ANKRD6: variants seen among roughly 807,000 people sequenced by gnomAD.
The protein encoded by ANKRD6 is ankyrin repeat domain-containing protein 6.
A neutral mutation model predicts 82.3 loss-of-function variants in ANKRD6; 56 were observed. The ratio of observed to expected loss-of-function variants is 0.68; its 90% CI spans 0.55 to 0.85. The LOEUF (loss-of-function observed/expected upper bound fraction) is 0.85. Ranked by LOEUF, ANKRD6 falls within the 40% of genes least tolerant of loss-of-function variation. The probability of loss-of-function intolerance (pLI) is 0.00; values close to 1 mark genes in which losing one functional copy is unlikely to be tolerated. For synonymous variants in ANKRD6, 347 were observed against 352.1 expected, an observed-to-expected ratio of 0.99 and a Z score of 0.16; for missense variants, 852 against 907.6, an observed-to-expected ratio of 0.94 and a Z score of 0.79.
intron 1 of ANKRD6, among the ~76,000 whole-genome samples, chr6:89,490,216 T>G (rs1056089941): frequency 2.0e-5 from 3 of 152,236 alleles, no homozygotes; most frequent in Non-Finnish European, 4.4e-5. Context: ...GAAAAGACCT[T>G]AGCAATCACC....
chr6:89,449,862 T>G (rs139262685), intron 1 of ANKRD6, among the ~76,000 whole-genome samples: 2 of 152,324 alleles, frequency 1.3e-5, no homozygotes, highest in East Asian at 3.9e-4. Context: ...GTTGAAAGAA[T>G]CTATCTCGGG....
In ANKRD6 at chr6:89,621,729, G is replaced by A. The variant is rs527328081; in HGVS notation, c.793-193G>A. On this transcript the variant is annotated intron_variant, in intron 9 of 15. Transcript: ENST00000339746. The stretch of plus-strand genomic sequence containing the variant: ...CAGGGATAATATCCTACCTGTCTCC[G>A]AGTCCCCGTGGTGCCCAGGACAAGA... 2.3e-5 allele frequency: 14 copies of A among 603,692 alleles called. No individual in the cohort carries two copies. In the East Asian group the frequency reaches 3.1e-4, roughly 13 times the overall value. 37.4% of individuals were successfully genotyped at this position (603,692 alleles called of 1,614,324 possible).
At chr6:89,496,557 C>T (rs529243966) in intron 1 of ANKRD6, among the ~76,000 whole-genome samples, 13 of 152,248 alleles carry the variant, frequency 8.5e-5, no homozygotes, top group South Asian at 6.2e-4. Flanking sequence ...GAGTCTCTCT[C>T]TCTTCTCCAG....
chr6:89,605,738 C>A (rs1331085693), intron 4 of ANKRD6, among the ~76,000 whole-genome samples: 2 of 152,150 alleles, frequency 1.3e-5, no homozygotes, highest in East Asian at 3.9e-4. Flanking sequence ...AGAGACTTAA[C>A]CTCTAATGCC....
At position 89,630,519 on chromosome 6, in the gene ANKRD6, A is replaced by G; in HGVS notation, c.1699A>G (p.Asn567Asp). The G allele has an allele frequency of 6.2e-7, 1 of 1,614,052 alleles. No homozygotes were observed. The highest frequency in any genetic ancestry group is 1.1e-5 in the South Asian group (1 of 91,086). Residue 567 changes from asparagine (N) to aspartate (D), a missense_variant, in exon 16 of 16, where the codon AAC (asparagine) becomes GAC (aspartate). Transcript: ENST00000339746. Reference sequence around the variant, plus strand: ...GGTTAGGCCCAAAGAGAAGGCCCTCAACTCCACTGCTACCCAGAGACTCCA... The same window carrying G: ...GGTTAGGCCCAAAGAGAAGGCCCTCGACTCCACTGCTACCCAGAGACTCCA... ...PVVRPKEKAL[N>D]STATQRLQQE...
intron 1 of ANKRD6, among the ~76,000 whole-genome samples, chr6:89,442,305 G>A (rs1373443354): frequency 2.6e-5 from 4 of 151,978 alleles, no homozygotes; most frequent in African/African-American, 9.7e-5. Flanking sequence ...CCATCAGCTT[G>A]GTTTTATACA....
intron 3 of ANKRD6, among the ~76,000 whole-genome samples, chr6:89,597,202 G>T (rs1027409187): frequency 5.3e-5 from 8 of 152,208 alleles, no homozygotes; most frequent in African/African-American, 1.9e-4. Flanking sequence ...GGTCATCAAA[G>T]ATGTTATTTT....
intron 3 of ANKRD6, among the ~76,000 whole-genome samples, chr6:89,601,070 A>G (rs933333242): frequency 2.6e-5 from 4 of 152,226 alleles, no homozygotes; most frequent in Admixed American, 2.0e-4. Context: ...CTTGGGCAGT[A>G]TCTCATATGA....
chr6:89,471,298 T>C (rs1356497862), intron 1 of ANKRD6, among the ~76,000 whole-genome samples: 1 of 148,998 alleles, frequency 6.7e-6, no homozygotes, highest in Non-Finnish European at 1.5e-5. Context: ...GTTGCCTGGA[T>C]TGCACCACTG....
chr6:89,476,176 T>G (rs1446956238), intron 1 of ANKRD6, among the ~76,000 whole-genome samples: 1 of 152,108 alleles, frequency 6.6e-6, no homozygotes, highest in African/African-American at 2.4e-5. Context: ...TGTTTTTGTT[T>G]TTTTGTTTTG....
chr6:89,499,946 G>A (rs1305589523), intron 1 of ANKRD6, among the ~76,000 whole-genome samples: 1 of 152,126 alleles, frequency 6.6e-6, no homozygotes, highest in Non-Finnish European at 1.5e-5. Flanking sequence ...AGCATGAAAT[G>A]CCCACTGAAA....
intron 1 of ANKRD6, among the ~76,000 whole-genome samples, chr6:89,514,497 G>A (rs1039071674): frequency 1.3e-5 from 2 of 151,956 alleles, no homozygotes; most frequent in African/African-American, 4.8e-5. Flanking sequence ...TTCCAATGTG[G>A]CCCAGTGAAG....
At chr6:89,439,823 C>T (rs1283022500) in intron 1 of ANKRD6, among the ~76,000 whole-genome samples, 4 of 152,086 alleles carry the variant, frequency 2.6e-5, no homozygotes, top group Admixed American at 6.6e-5. Flanking sequence ...CTCAGCCTCC[C>T]GAGTAGCTGG....
chr6:89,455,589 A>C (rs1171686405), intron 1 of ANKRD6, among the ~76,000 whole-genome samples: 1 of 152,122 alleles, frequency 6.6e-6, no homozygotes, highest in Non-Finnish European at 1.5e-5. Context: ...CAGAGTTCTC[A>C]TGAATGGTTT....
intron 6 of ANKRD6, 98 bp from the exon 7 acceptor site, chr6:89,613,694 G>GAT: frequency 9.2e-7 from 1 of 1,084,160 alleles, no homozygotes; most frequent in East Asian, 2.6e-5. Context: ...AAGAGTACAT[G>GAT]ATAGTCTGCT....
chr6:89,601,616 A>G (rs1033025780), intron 3 of ANKRD6: 8 of 152,222 alleles, frequency 5.3e-5, no homozygotes, highest in Non-Finnish European at 1.0e-4. Context: ...AGTTTTAACT[A>G]GGATTTTTTA....
chr6:89,473,884 G>A (rs1201800686), intron 1 of ANKRD6, among the ~76,000 whole-genome samples: 1 of 152,146 alleles, frequency 6.6e-6, no homozygotes, highest in African/African-American at 2.4e-5. Flanking sequence ...GGAGGCTGGG[G>A]CAGGAGACTC....
chr6:89,628,131 G>T (rs1806313890), intron 14 of ANKRD6: 1 of 172,442 alleles, frequency 5.8e-6, no homozygotes, highest in Non-Finnish European at 1.3e-5. Flanking sequence ...GGGTGGTTTT[G>T]GGGGTTGAGT....
intron 1 of ANKRD6, among the ~76,000 whole-genome samples, chr6:89,549,022 C>T (rs1405702249): frequency 3.9e-5 from 6 of 152,062 alleles, no homozygotes; most frequent in Non-Finnish European, 7.4e-5. Context: ...ACCTGGGCAA[C>T]ATGGTGAAAC....
Sources: gnomAD v4.1 joint callset for allele counts (sites outside exome capture counted in the v4.1 genomes callset) on GRCh38, gnomAD v4.1.1 for gene constraint, MANE v1.5 for transcripts, NCBI Gene and HGNC (gene_info 2026-07-23, HGNC 2026-07-21) for gene names.